The following SGCG variants were observed in gnomAD, a reference collection of about 807,000 sequenced individuals.
SGCG encodes sarcoglycan gamma.
In SGCG, 26 loss-of-function variants were observed where a neutral mutation model predicts 29.3. The ratio of observed to expected loss-of-function variants is 0.89; its 90% CI spans 0.65 to 1.23. The LOEUF (loss-of-function observed/expected upper bound fraction) is 1.23. Ranked by LOEUF, SGCG falls within the 50% of genes most tolerant of loss-of-function variation. The pLI is 0.00. For missense variants in SGCG, 353 were observed against 356.0 expected (o/e 0.99, Z 0.07); for synonymous variants, 145 against 129.7 (o/e 1.12, Z -0.80).
intron 4 of SGCG, among the ~76,000 whole-genome samples, chr13:23,274,047 G>A (rs969170847): frequency 2.6e-5 from 4 of 152,048 alleles, no homozygotes; most frequent in African/African-American, 9.7e-5. Context: ...TGATATTTGC[G>A]GGATAGGTAT....
intron 1 of SGCG, among the ~76,000 whole-genome samples, chr13:23,192,321 C>A (rs1309497418): frequency 1.3e-5 from 2 of 152,060 alleles, no homozygotes; most frequent in Admixed American, 6.6e-5. Flanking sequence ...CCCAGCTGTT[C>A]ATGGAGTTTC....
the SGCG span, among the ~76,000 whole-genome samples, chr13:23,170,995 T>A: frequency 9.2e-5 from 14 of 152,218 alleles, no homozygotes; most frequent in African/African-American, 3.4e-4. Flanking sequence ...TTGGCTTGAT[T>A]GTATAAAAGT....
chr13:23,299,437 TATATATATATATA>T lies in SGCG; in HGVS notation c.578+3951_578+3963del, dbSNP rs1265836644. 5.0e-3 allele frequency among the ~76,000 whole-genome samples: 97 copies of T among 19,578 alleles called. 4 individuals carry two copies. The highest frequency in any genetic ancestry group is 0.047 in the East Asian group (37 of 782). 12.8% of individuals were successfully genotyped at this position (19,578 alleles called of 152,430 possible). On this transcript the variant is annotated intron_variant, in intron 6 of 7. Coordinates refer to ENST00000218867, the MANE Select transcript of SGCG (RefSeq NM_000231.3). The stretch of plus-strand genomic sequence containing the variant: ...ATATATATATATATATATATATATA[TATATATATATATA>T]TATATATTTTTTTTTTTTTTTTAGT...
At chr13:23,271,675 A>G (rs1880882023) in intron 4 of SGCG, among the ~76,000 whole-genome samples, 1 of 152,170 alleles carries the variant, frequency 6.6e-6, no homozygotes, top group Non-Finnish European at 1.5e-5. Flanking sequence ...GTTTTTACAT[A>G]TGAACTTTTG....
At chr13:23,282,800 G>T (rs762634114) in intron 5 of SGCG, among the ~76,000 whole-genome samples, 6 of 152,136 alleles carry the variant, frequency 3.9e-5, no homozygotes, top group Non-Finnish European at 8.8e-5. Context: ...AATGTTTTTG[G>T]TGGAGGTTGG....
At chr13:23,303,537 G>T (rs565300545) in intron 6 of SGCG, among the ~76,000 whole-genome samples, 3 of 152,218 alleles carry the variant, frequency 2.0e-5, no homozygotes, top group Admixed American at 6.5e-5. Context: ...AAAGAGATCC[G>T]AGAGTGGGGA....
chr13:23,313,095 T>G (rs906944152), intron 6 of SGCG, among the ~76,000 whole-genome samples: 1 of 152,144 alleles, frequency 6.6e-6, no homozygotes, highest in African/African-American at 2.4e-5. Flanking sequence ...TTGTAAAATT[T>G]GGGCTTAATA....
At chr13:23,241,148 C>CAAAAAA (rs150540516) in intron 3 of SGCG, among the ~76,000 whole-genome samples, 14 of 95,536 alleles carry the variant, frequency 1.5e-4, no homozygotes, top group Non-Finnish European at 2.2e-4. Flanking sequence ...GACTCCATCT[C>CAAAAAA]AAAAAAAAAA....
At chr13:23,168,387 GAAGTCTCTAGAAC>G in the SGCG span, among the ~76,000 whole-genome samples, 1 of 152,114 alleles carries the variant, frequency 6.6e-6, no homozygotes, top group African/African-American at 2.4e-5. Flanking sequence ...TAAGCTCTAA[GAAGTCTCTAGAAC>G]AAGAGACCTC....
chr13:23,168,947 A>G, the SGCG span, among the ~76,000 whole-genome samples: 1 of 152,118 alleles, frequency 6.6e-6, no homozygotes, highest in East Asian at 1.9e-4. Flanking sequence ...TCTTAATAGC[A>G]CAAAATTAAT....
chr13:23,235,377 C>T (rs373089737), intron 3 of SGCG, among the ~76,000 whole-genome samples: 1 of 136,186 alleles, frequency 7.3e-6, no homozygotes, highest in Non-Finnish European at 1.6e-5. Flanking sequence ...GAAGAAAAAA[C>T]AAAAAAAAAA....
intron 4 of SGCG, among the ~76,000 whole-genome samples, chr13:23,255,469 G>T (rs1880141898): frequency 6.6e-6 from 1 of 152,140 alleles, no homozygotes; most frequent in Non-Finnish European, 1.5e-5. Flanking sequence ...TTTTGGGAAG[G>T]GATGATTGTA....
chr13:23,282,440 AC>A (rs1354294341), intron 5 of SGCG, among the ~76,000 whole-genome samples: 1 of 152,020 alleles, frequency 6.6e-6, no homozygotes, highest in Non-Finnish European at 1.5e-5. Flanking sequence ...CCAGGTATTA[AC>A]CCAGGTTATT....
intron 2 of SGCG, among the ~76,000 whole-genome samples, chr13:23,228,572 G>A (rs1037478904): frequency 2.0e-5 from 3 of 152,078 alleles, no homozygotes; most frequent in African/African-American, 4.8e-5. Context: ...CACAGTACCT[G>A]ATAGTTTTTT....
chr13:23,299,442 A>ATTTT (rs1566037491), intron 6 of SGCG, among the ~76,000 whole-genome samples: 1 of 5,294 alleles, frequency 1.9e-4, no homozygotes. Flanking sequence ...ATATATATAT[A>ATTTT]TATATATATA....
intron 6 of SGCG, among the ~76,000 whole-genome samples, chr13:23,309,499 T>C (rs779868767): frequency 2.0e-5 from 3 of 152,236 alleles, no homozygotes; most frequent in Non-Finnish European, 2.9e-5. Flanking sequence ...ATTATTATAC[T>C]TCTTACTTCT....
chr13:23,168,289 A>C, the SGCG span, among the ~76,000 whole-genome samples: 1 of 152,040 alleles, frequency 6.6e-6, no homozygotes. Flanking sequence ...TATTCCCTTA[A>C]TTTGTCACTA....
chr13:23,317,857 C>G (rs766555700), intron 6 of SGCG, among the ~76,000 whole-genome samples: 3 of 152,062 alleles, frequency 2.0e-5, no homozygotes, highest in Non-Finnish European at 4.4e-5. Context: ...TTAAAAGATA[C>G]AAAGTATTGG....
chr13:23,294,681 G>A (rs866659387), intron 5 of SGCG, among the ~76,000 whole-genome samples: 6 of 152,130 alleles, frequency 3.9e-5, no homozygotes, highest in African/African-American at 7.2e-5. Context: ...TAGATTAAAC[G>A]TGTGGGCTCT....
Sources: gnomAD v4.1 joint callset for allele counts (sites outside exome capture counted in the v4.1 genomes callset) on GRCh38, gnomAD v4.1.1 for gene constraint, MANE v1.5 for transcripts, NCBI Gene and HGNC (gene_info 2026-07-23, HGNC 2026-07-21) for gene names.